Variants in CACNA2D3 observed in about 807,000 individuals in gnomAD.
CACNA2D3 encodes voltage-dependent calcium channel subunit alpha-2/delta-3.
CACNA2D3 carries 60 observed loss-of-function variants against 160.6 expected under a neutral mutation model. That is an observed-to-expected ratio of 0.37 (90% CI 0.30 to 0.46). The LOEUF (loss-of-function observed/expected upper bound fraction) is 0.46, where lower values mean the gene tolerates loss of function less well. CACNA2D3 is among the 20% of genes least tolerant of loss of function. CACNA2D3 has a pLI of 1.00. For missense variants in CACNA2D3, 1,205 were observed against 1,365.0 expected, an observed-to-expected ratio of 0.88 and a Z score of 1.85; for synonymous variants, 558 against 492.9, an observed-to-expected ratio of 1.13 and a Z score of -1.75.
intron 26 of CACNA2D3, among the ~76,000 whole-genome samples, chr3:54,897,785 G>A (rs1035121528): frequency 6.6e-6 from 1 of 152,192 alleles, no homozygotes; most frequent in African/African-American, 2.4e-5. Flanking sequence ...TTTTCAGAAA[G>A]GGTGCTTTTG....
chr3:54,231,051 G>A (rs755005091), intron 2 of CACNA2D3, among the ~76,000 whole-genome samples: 4 of 152,186 alleles, frequency 2.6e-5, no homozygotes, highest in Non-Finnish European at 5.9e-5. Flanking sequence ...GCCACAGGCT[G>A]TGGTTTACAA....
intron 3 of CACNA2D3, among the ~76,000 whole-genome samples, chr3:54,347,626 A>C (rs574931222): frequency 1.3e-5 from 2 of 152,134 alleles, no homozygotes; most frequent in South Asian, 4.1e-4. Flanking sequence ...GTGCTGTGTC[A>C]GGACCAAAAT....
chr3:54,189,139 G>T (rs1356753092), intron 2 of CACNA2D3, among the ~76,000 whole-genome samples: 2 of 152,220 alleles, frequency 1.3e-5, no homozygotes, highest in African/African-American at 2.4e-5. Flanking sequence ...GGACTTCGTG[G>T]TTATAAATCC....
rs146513869 is a variant in CACNA2D3, at chr3:54,956,439, C to T, written c.2450-12011C>T. Among the ~76,000 whole-genome samples, 214 of 152,312 alleles carry T rather than the reference C, an allele frequency of 1.4e-3. 1 individual carries two copies. The highest frequency in any genetic ancestry group is 3.4e-3 in the Middle Eastern group (1 of 294). Reference sequence around the variant, plus strand: ...CCAGTTTTTGTTTTAACCTTCCTGTCTTTGTCTTTTAAAGGCCAGGAAATG... The same window carrying T: ...CCAGTTTTTGTTTTAACCTTCCTGTTTTTGTCTTTTAAAGGCCAGGAAATG... On this transcript the variant is annotated intron_variant, in intron 27 of 37. Coordinates refer to ENST00000474759, the MANE Select transcript of CACNA2D3 (RefSeq NM_018398.3).
intron 30 of CACNA2D3, among the ~76,000 whole-genome samples, chr3:54,986,034 G>T (rs945293168): frequency 1.3e-5 from 2 of 152,160 alleles, no homozygotes; most frequent in Non-Finnish European, 2.9e-5. Flanking sequence ...ATGCCCTGTT[G>T]GCTGGGAGGA....
intron 3 of CACNA2D3, among the ~76,000 whole-genome samples, chr3:54,360,391 T>G (rs182178502): frequency 1.3e-5 from 2 of 152,208 alleles, no homozygotes; most frequent in Non-Finnish European, 2.9e-5. Flanking sequence ...CTGACTTGAA[T>G]TTTTAATAAA....
At chr3:54,436,775 G>A (rs919509780) in intron 4 of CACNA2D3, among the ~76,000 whole-genome samples, 3 of 152,152 alleles carry the variant, frequency 2.0e-5, no homozygotes, top group Admixed American at 6.5e-5. Context: ...CCTGGGGCCT[G>A]TCGGGGGTGG....
At chr3:54,598,117 C>G (rs1702990780) in intron 9 of CACNA2D3, among the ~76,000 whole-genome samples, 1 of 150,314 alleles carries the variant, frequency 6.7e-6, no homozygotes, top group South Asian at 2.1e-4. Flanking sequence ...TGGTGAAACA[C>G]TATCTCTACT....
At chr3:54,214,890 C>T (rs1354041163) in intron 2 of CACNA2D3, among the ~76,000 whole-genome samples, 1 of 152,224 alleles carries the variant, frequency 6.6e-6, no homozygotes, top group Non-Finnish European at 1.5e-5. Flanking sequence ...GGCTGAGATA[C>T]AGCACCCAGG....
At chr3:54,707,925 G>A (rs772510532) in intron 11 of CACNA2D3, among the ~76,000 whole-genome samples, 2 of 152,182 alleles carry the variant, frequency 1.3e-5, no homozygotes, top group Non-Finnish European at 2.9e-5. Context: ...CTCTTTTGCT[G>A]TTGGAGTTAG....
At chr3:54,952,517 AC>A (rs1701783123) in intron 27 of CACNA2D3, among the ~76,000 whole-genome samples, 2 of 152,222 alleles carry the variant, frequency 1.3e-5, no homozygotes, top group Non-Finnish European at 2.9e-5. Context: ...ATGTGGACTT[AC>A]CAATCTCATA....
chr3:54,861,058 A>C (rs1048465819), intron 17 of CACNA2D3, among the ~76,000 whole-genome samples: 1 of 152,202 alleles, frequency 6.6e-6, no homozygotes, highest in Non-Finnish European at 1.5e-5. Flanking sequence ...TGTCCTAGGC[A>C]TGTGGTCCGG....
chr3:54,672,534 CA>C (rs1158197395), intron 11 of CACNA2D3, among the ~76,000 whole-genome samples: 4 of 152,154 alleles, frequency 2.6e-5, no homozygotes, highest in East Asian at 1.9e-4. Context: ...GGGTTGTTTC[CA>C]GAATGAAAAC....
chr3:54,146,006 A>G (rs1011555229), intron 2 of CACNA2D3, among the ~76,000 whole-genome samples: 2 of 151,680 alleles, frequency 1.3e-5, no homozygotes, highest in African/African-American at 4.8e-5. Flanking sequence ...TTGCTTATAT[A>G]TTTTTTAAAA....
intron 3 of CACNA2D3, among the ~76,000 whole-genome samples, chr3:54,346,109 G>C (rs1296819737): frequency 1.3e-5 from 2 of 152,190 alleles, no homozygotes; most frequent in African/African-American, 4.8e-5. Flanking sequence ...GATGTTTGAT[G>C]ACCCTGCCTT....
intron 11 of CACNA2D3, among the ~76,000 whole-genome samples, chr3:54,700,011 C>T (rs1380279347): frequency 6.6e-6 from 1 of 152,200 alleles, no homozygotes; most frequent in Non-Finnish European, 1.5e-5. Context: ...CAGGTACACA[C>T]AAGGTTGTCC....
At chr3:54,583,590 C>T (rs532198830) in intron 9 of CACNA2D3, among the ~76,000 whole-genome samples, 5 of 152,222 alleles carry the variant, frequency 3.3e-5, no homozygotes, top group East Asian at 3.9e-4. Context: ...ATTATACTTA[C>T]GGGTTGAGCA....
intron 2 of CACNA2D3, among the ~76,000 whole-genome samples, chr3:54,241,034 C>T (rs1701965480): frequency 6.6e-6 from 1 of 152,186 alleles, no homozygotes; most frequent in Non-Finnish European, 1.5e-5. Context: ...AGCCACTGCA[C>T]CTGGCTAGAG....
chr3:54,259,903 C>T (rs761128218), intron 2 of CACNA2D3, among the ~76,000 whole-genome samples: 6 of 152,158 alleles, frequency 3.9e-5, no homozygotes, highest in South Asian at 2.1e-4. Context: ...AATTTTCAGG[C>T]GTGTTTATGG....
Sources: gnomAD v4.1 joint callset for allele counts (sites outside exome capture counted in the v4.1 genomes callset) on GRCh38, gnomAD v4.1.1 for gene constraint, MANE v1.5 for transcripts, NCBI Gene and HGNC (gene_info 2026-07-23, HGNC 2026-07-21) for gene names.